Variants in ZSCAN20 observed in about 807,000 individuals in gnomAD.
ZSCAN20 encodes the protein zinc finger and SCAN domain containing 20, also known as zinc finger and SCAN domain-containing protein 20.
Under a neutral mutation model 97.1 loss-of-function variants are expected in ZSCAN20, and 39 were observed. That is an observed-to-expected ratio of 0.40 (90% CI 0.31 to 0.52). The LOEUF (loss-of-function observed/expected upper bound fraction) is 0.52. Ranked by LOEUF, ZSCAN20 falls within the 20% of genes least tolerant of loss-of-function variation. The pLI is 0.49. For synonymous variants in ZSCAN20, 456 were observed against 467.3 expected, an observed-to-expected ratio of 0.98 and a Z score of 0.31; for missense variants, 1,115 against 1,290.4, an observed-to-expected ratio of 0.86 and a Z score of 2.08.
In ZSCAN20 at chr1:33,491,696, C is replaced by T. The variant is rs1376824442; in HGVS notation, c.1438C>T (p.Arg480Cys). The change falls in exon 6 of 8, where the codon CGT becomes TGT. Residue 480 changes from arginine (R) to cysteine (C), a missense_variant. This residue lies in a region of ZSCAN20 where 508 missense variants were observed against 611.2 expected (regional missense o/e 0.83). Coordinates refer to ENST00000684572, the MANE Select transcript of ZSCAN20 (RefSeq NM_001377376.1). This position sits in a 1 kb window ranked among gnomAD's most constrained non-coding sequence, Gnocchi z 4.3. ...AGGGGCCCCAGCTCTGTTCCAGAGT[C>T]GTATTGGTAAGAACATGGGGGTTTA... ...IAGAPALFQS[R>C]IAGVHWGYEE... The T allele has an allele frequency of 6.9e-6, 11 of 1,584,672 alleles. No homozygotes were observed. Among genetic ancestry groups the T allele is most frequent in the African/African-American group, 1.4e-5 (1 of 73,352 alleles).
At position 33,497,826 on chromosome 1, in the gene ZSCAN20, C is replaced by T. The variant is rs150251133; in HGVS notation, c.*2350C>T. Among the ~76,000 whole-genome samples the T allele has an allele frequency of 0.012, 1,840 of 152,078 alleles. 34 individuals are homozygous for T. Among genetic ancestry groups the T allele is most frequent in the African/African-American group, 0.042 (1,744 of 41,464 alleles). On this transcript the variant is annotated 3_prime_UTR_variant, in exon 8 of 8. Coordinates refer to ENST00000684572, the MANE Select transcript of ZSCAN20 (RefSeq NM_001377376.1). The stretch of plus-strand genomic sequence containing the variant: ...GCATGTCCTCATTCAGAATTGGGAG[C>T]ACAAGGAGGAGAGGCTGATAGAGCA...
chr1:33,490,747 C>T (rs1400036310), intron 5 of ZSCAN20, among the ~76,000 whole-genome samples: 1 of 151,914 alleles, frequency 6.6e-6, no homozygotes, highest in Non-Finnish European at 1.5e-5. Flanking sequence ...GCCATGTGCC[C>T]ATCTGTGGAC....
intron 2 of ZSCAN20, among the ~76,000 whole-genome samples, chr1:33,484,110 C>G (rs1652262155): frequency 2.0e-5 from 3 of 152,070 alleles, no homozygotes; most frequent in South Asian, 4.1e-4. Context: ...TTTGTTGATT[C>G]TTTTAGATTT....
Position 33,498,272 on chromosome 1 carries a change from C to G in ZSCAN20, c.*2796C>G, listed in dbSNP as rs1425785040. Among the ~76,000 whole-genome samples the G allele has an allele frequency of 6.6e-6, 1 of 152,162 alleles. No individual in the cohort carries two copies. Among genetic ancestry groups the G allele is most frequent in the African/African-American group, 2.4e-5 (1 of 41,420 alleles). On this transcript the variant is annotated 3_prime_UTR_variant, in exon 8 of 8. Transcript: ENST00000684572. ...CTCTCTCCACTTGGTCACCCTTTCC[C>G]CTGGGTTTGGTAGTGTGTTAGTGTC... is the stretch of plus-strand genomic sequence containing the variant.
At position 33,494,175 on chromosome 1, in the gene ZSCAN20, G is replaced by A. The variant is rs116095909; in HGVS notation, c.1874-43G>A. The A allele has an allele frequency of 2.1e-3, 3,152 of 1,516,176 alleles. 6 individuals carry two copies. The highest frequency in any genetic ancestry group is 5.1e-3 in the East Asian group (226 of 44,094). 93.9% of individuals were successfully genotyped at this position (1,516,176 alleles called of 1,614,324 possible). A position where few individuals can be genotyped will look rare whatever the true frequency, so the allele number is the denominator to read the frequency against. On this transcript the variant is annotated intron_variant, in intron 7 of 7. Coordinates refer to ENST00000684572, the MANE Select transcript of ZSCAN20 (RefSeq NM_001377376.1). ...CACACACAAACACACACACACGCGC[G>A]CTAATGAGTGAAGAAAAACTGCATT...
chr1:33,479,355 G>A lies in ZSCAN20; in HGVS notation c.67G>A (p.Val23Met). The change falls in exon 2 of 8, where the codon GTG (valine) becomes ATG (methionine). Residue 23 changes from valine to methionine, a missense_variant. By Grantham distance (21) the Val-to-Met change is conservative. This residue lies in a region of ZSCAN20 where 508 missense variants were observed against 611.2 expected (regional missense o/e 0.83). Coordinates refer to ENST00000684572, the MANE Select transcript of ZSCAN20 (RefSeq NM_001377376.1). ...GCCAGAGCCTGAAGAACTCCTGATT[G>A]TGAAACTGGAAGAGGACTCTTGGGG... ...PQPEPEELLI[V>M]KLEEDSWGSE... is the part of the protein sequence containing the mutation. 6.2e-7 allele frequency: 1 copy of A among 1,614,216 alleles called. No homozygotes were observed. Among genetic ancestry groups the A allele is most frequent in the African/African-American group, 1.3e-5 (1 of 75,070 alleles).
rs1265624762 is a variant in ZSCAN20, at chr1:33,489,162, G to T, written c.652G>T (p.Gly218Ter). 1.9e-5 allele frequency: 30 copies of T among 1,613,758 alleles called. No individual in the cohort carries two copies. The highest frequency in any genetic ancestry group is 2.5e-5 in the Non-Finnish European group (30 of 1,179,878). ...TACTCTCCCAAAGATGGGGAGCGTT[G>T]GAGATTGGGAGGTGACAGCTGAGTC... ...VPTLPKMGSVGDWEVTAESQE... is the reference protein window; with the variant it reads ...VPTLPKMGSV Residue 218 changes from glycine (G) to a stop codon, truncating the protein, a stop_gained, in exon 4 of 8, where the codon GGA becomes TGA. Coordinates refer to ENST00000684572, the MANE Select transcript of ZSCAN20 (RefSeq NM_001377376.1). LOFTEE classifies it high-confidence loss of function.
chr1:33,490,104 C>T (rs1570559670), intron 5 of ZSCAN20, among the ~76,000 whole-genome samples: 1 of 152,096 alleles, frequency 6.6e-6, no homozygotes, highest in South Asian at 2.1e-4. Context: ...CTGTGGAGCC[C>T]GGGATCACTG....
chr1:33,495,095 C>T lies in ZSCAN20; in HGVS notation c.2751C>T (p.Thr917=). 5 of 1,612,512 alleles carry T rather than the reference C, an allele frequency of 3.1e-6. 1 individual carries two copies. The South Asian group carries it at 4.4e-5, about 14-fold the overall frequency. Residue 917 remains threonine, a synonymous_variant, in exon 8 of 8, where the codon ACC becomes ACT. Transcript: ENST00000684572. ...ECGKSFSKSS[T]LANHQRTHTG... ...GGAAAAGCTTCAGTAAGAGCTCCAC[C>T]CTGGCCAACCACCAGCGCACCCACA...
chr1:33,484,680 G>A lies in ZSCAN20; in HGVS notation c.418-3785G>A, dbSNP rs187323333. Among the ~76,000 whole-genome samples the A allele has an allele frequency of 3.3e-5, 5 of 149,458 alleles. No individual in the cohort carries two copies. In the East Asian group the frequency reaches 5.9e-4, roughly 18 times the overall value. ...TCTGTCGCCCAGGCTGGAGTGCAGT[G>A]GCATGATCTCAGCTCACTGCAACCT... On this transcript the variant is annotated intron_variant, in intron 2 of 7. Coordinates refer to ENST00000684572, the MANE Select transcript of ZSCAN20 (RefSeq NM_001377376.1).
At chr1:33,475,788 T>C (rs983149335) in intron 1 of ZSCAN20, among the ~76,000 whole-genome samples, 3 of 150,984 alleles carry the variant, frequency 2.0e-5, no homozygotes, top group African/African-American at 7.3e-5. Context: ...GCCTCCCGAG[T>C]AGCTGGGATT....
In ZSCAN20 at chr1:33,499,781, G is replaced by A. The variant is rs567684560; in HGVS notation, c.*4305G>A. 2.6e-5 allele frequency among the ~76,000 whole-genome samples: 4 copies of A among 151,398 alleles called. 1 individual carries two copies. In the South Asian group the frequency reaches 8.3e-4, roughly 32 times the overall value. On this transcript the variant is annotated 3_prime_UTR_variant, in exon 8 of 8. Coordinates refer to ENST00000684572, the MANE Select transcript of ZSCAN20 (RefSeq NM_001377376.1). ...TTCCCTTACCCCATTTTTTTTGGGG[G>A]GGAGATGGGGGTCTTGTGTTGCCCA... is the stretch of plus-strand genomic sequence containing the variant.
intron 2 of ZSCAN20, among the ~76,000 whole-genome samples, chr1:33,482,879 GTT>G (rs1439140444): frequency 6.6e-6 from 1 of 152,174 alleles, no homozygotes; most frequent in Non-Finnish European, 1.5e-5. Context: ...TGTGGTGACT[GTT>G]AAAGTCTTGC....
chr1:33,494,900 A>G lies in ZSCAN20; in HGVS notation c.2556A>G (p.Gln852=), dbSNP rs1557447458. 1 of 1,614,188 alleles carries G rather than the reference A, an allele frequency of 6.2e-7. No homozygotes were observed. The highest frequency in any genetic ancestry group is 8.5e-7 in the Non-Finnish European group (1 of 1,180,040). ...CTACAGAAGAGACAGCTCCTGAACA[A>G]CCTCAAAGTATCAGTAAGGACTTGA... ...RNSTEETAPE[Q]PQSISKDLNS... Residue 852 remains glutamine (Q), a synonymous_variant, in exon 8 of 8, where the codon CAA becomes CAG. Coordinates refer to ENST00000684572, the MANE Select transcript of ZSCAN20 (RefSeq NM_001377376.1).
At chr1:33,489,963 G>C (rs983079161) in intron 5 of ZSCAN20, among the ~76,000 whole-genome samples, 10 of 152,040 alleles carry the variant, frequency 6.6e-5, no homozygotes, top group Non-Finnish European at 1.5e-4. Flanking sequence ...AAACCCATGA[G>C]ACCAATGAAT....
chr1:33,479,684 G>C lies in ZSCAN20; in HGVS notation c.396G>C (p.Glu132Asp), dbSNP rs377057575. Residue 132 changes from glutamate (E) to aspartate (D), a missense_variant, in exon 2 of 8, where the codon GAG (glutamate) becomes GAC (aspartate). Glu to Asp is a conservative substitution (Grantham distance 45). This residue lies in a region of ZSCAN20 where 508 missense variants were observed against 611.2 expected (regional missense o/e 0.83). Coordinates refer to ENST00000684572, the MANE Select transcript of ZSCAN20 (RefSeq NM_001377376.1). ...CCTTGGTGGAGGATTGGCACCGAGA[G>C]ACCAGGACTGCAGGACAGTCGGTGA... is the stretch of plus-strand genomic sequence containing the variant. ...AVALVEDWHRETRTAGQSGLE... is the reference protein window; with the variant it reads ...AVALVEDWHRDTRTAGQSGLE... 5.7e-6 allele frequency: 9 copies of C among 1,573,980 alleles called. No individual in the cohort carries two copies. In the African/African-American group the frequency reaches 1.1e-4, roughly 19 times the overall value.
At chr1:33,483,449 T>A (rs113634529) in intron 2 of ZSCAN20, among the ~76,000 whole-genome samples, 126 of 152,222 alleles carry the variant, frequency 8.3e-4, no homozygotes, top group Non-Finnish European at 1.0e-3. Flanking sequence ...TACTATAGTT[T>A]ATAGTAAATC....
At chr1:33,490,689 C>G (rs57278438) in intron 5 of ZSCAN20, among the ~76,000 whole-genome samples, 2,597 of 132,654 alleles carry the variant, frequency 0.02, 82 homozygotes, top group African/African-American at 0.067. Flanking sequence ...ACACACCACA[C>G]ACCCTTTTCC....
At chr1:33,486,119 C>G (rs534114357) in intron 2 of ZSCAN20, among the ~76,000 whole-genome samples, 12 of 152,340 alleles carry the variant, frequency 7.9e-5, no homozygotes, top group African/African-American at 2.9e-4. Context: ...TTAAGAAGAG[C>G]AGAGTGCCCT....
Sources: gnomAD v4.1 joint callset for allele counts (sites outside exome capture counted in the v4.1 genomes callset) on GRCh38, gnomAD v4.1.1 for gene constraint, gnomAD v4.1.1 regional missense constraint, Gnocchi (gnomAD v3.1) non-coding constraint, MANE v1.5 for transcripts, NCBI Gene and HGNC (gene_info 2026-07-23, HGNC 2026-07-21) for gene names.